PMFBP1: variants seen among roughly 807,000 people sequenced by gnomAD.
The protein encoded by PMFBP1 is polyamine-modulated factor 1-binding protein 1.
PMFBP1 carries 131 observed loss-of-function variants against 137.8 expected under a neutral mutation model. That is an observed-to-expected ratio of 0.95 (90% CI 0.82 to 1.10). The LOEUF is 1.10. Among genes scored for constraint, PMFBP1 ranks in the 50% least tolerant of loss-of-function variants. The pLI is 0.00. For synonymous variants in PMFBP1, 490 were observed against 450.4 expected, an observed-to-expected ratio of 1.09 and a Z score of -1.11; for missense variants, 1,199 against 1,175.4, an observed-to-expected ratio of 1.02 and a Z score of -0.29.
chr16:72,183,484 T>C, the PMFBP1 span, among the ~76,000 whole-genome samples: 23 of 152,162 alleles, frequency 1.5e-4, no homozygotes, highest in African/African-American at 9.7e-5. Context: ...TCTGCCTTCA[T>C]CTTTACATGG....
the PMFBP1 span, among the ~76,000 whole-genome samples, chr16:72,246,563 C>G: frequency 1.3e-5 from 2 of 151,988 alleles, no homozygotes; most frequent in Admixed American, 1.3e-4. Context: ...CCAGTCCCCT[C>G]TCATCACTCC....
At chr16:72,178,105 C>A (rs1387988535), upstream of PMFBP1, among the ~76,000 whole-genome samples, 2 of 152,122 alleles carry the variant, frequency 1.3e-5, no homozygotes, top group Non-Finnish European at 1.5e-5. Context: ...GTTGCCAAGG[C>A]TAGTCTCAAA....
At chr16:72,223,664 C>T in the PMFBP1 span, among the ~76,000 whole-genome samples, 1 of 152,168 alleles carries the variant, frequency 6.6e-6, no homozygotes, top group African/African-American at 2.4e-5. Context: ...GGCCAACAAG[C>T]TAGAGCTGCT....
intron 5 of PMFBP1, 57 bp downstream of exon 5, chr16:72,150,551 G>T (rs1296640426): frequency 1.9e-6 from 3 of 1,547,736 alleles, no homozygotes; most frequent in Non-Finnish European, 2.7e-6. Flanking sequence ...CTGTCTGAGG[G>T]GACCACCTGG....
Position 72,140,185 on chromosome 16 carries a change from T to A in PMFBP1, c.807+227A>T, listed in dbSNP as rs142636080. ...AACCATTTCCCCACTGATGGGCAGT[T>A]AGGTTGTTGTGTGAGAGATTTTAAG... On this transcript the variant is annotated intron_variant, in intron 6 of 20. Coordinates refer to ENST00000237353, the MANE Select transcript of PMFBP1 (RefSeq NM_031293.3). 6.4e-4 allele frequency among the ~76,000 whole-genome samples: 98 copies of A among 152,306 alleles called. 2 individuals carry two copies. The highest frequency in any genetic ancestry group is 2.3e-3 in the African/African-American group (94 of 41,572).
intron 7 of PMFBP1, among the ~76,000 whole-genome samples, chr16:72,138,912 C>CAAAA (rs35349842): frequency 9.2e-4 from 111 of 120,148 alleles, no homozygotes; most frequent in African/African-American, 2.7e-3. Flanking sequence ...ACAGAGTTCT[C>CAAAA]AAAAAAAAAA....
At chr16:72,198,415 A>C in the PMFBP1 span, among the ~76,000 whole-genome samples, 1 of 152,144 alleles carries the variant, frequency 6.6e-6, no homozygotes, top group African/African-American at 2.4e-5. Context: ...ACCAATATTC[A>C]GAAGGGCTAC....
chr16:72,123,106 C>T (rs886948086), intron 18 of PMFBP1, 118 bp from the exon 19 acceptor site: 5 of 845,106 alleles, frequency 5.9e-6, no homozygotes, highest in African/African-American at 1.7e-5. Context: ...TCCCACGTCC[C>T]CCACGCATCA....
At chr16:72,122,327 C>T (rs2042388287) in intron 19 of PMFBP1, among the ~76,000 whole-genome samples, 1 of 152,182 alleles carries the variant, frequency 6.6e-6, no homozygotes, top group African/African-American at 2.4e-5. Flanking sequence ...TGTCCTAAGG[C>T]TTGTTGTTAC....
chr16:72,249,703 T>A, the PMFBP1 span, among the ~76,000 whole-genome samples: 2 of 150,586 alleles, frequency 1.3e-5, no homozygotes, highest in African/African-American at 4.9e-5. Context: ...AATTACGAGG[T>A]CAGGAGATTG....
At chr16:72,238,335 T>C in the PMFBP1 span, among the ~76,000 whole-genome samples, 11 of 152,240 alleles carry the variant, frequency 7.2e-5, no homozygotes, top group South Asian at 2.3e-3. Flanking sequence ...TTTTTAATAA[T>C]AGGCATTCTG....
intron 10 of PMFBP1, 74 bp downstream of exon 10, chr16:72,132,674 G>T: frequency 6.3e-7 from 1 of 1,591,600 alleles, no homozygotes; most frequent in Non-Finnish European, 8.5e-7. Context: ...CACTGGGAGA[G>T]AGAAGGTGGC....
chr16:72,136,819 T>A lies in PMFBP1; in HGVS notation c.919A>T (p.Ile307Leu). The change falls in exon 8 of 21, where the codon ATA becomes TTA. Residue 307 changes from isoleucine to leucine, a missense_variant and splice_region_variant. Physicochemically the swap from Ile to Leu is conservative, Grantham distance 5. Coordinates refer to ENST00000237353, the MANE Select transcript of PMFBP1 (RefSeq NM_031293.3). The part of the protein sequence containing the change: ...SSEECEDIKK[I>L]LKHLQEQKDS... Reference sequence around the variant, plus strand: ...TTCTGCTCCTGCAAGTGCTTCAGTATCTGGCAGATGGAAGAACAGGGCAGG... The same window carrying A: ...TTCTGCTCCTGCAAGTGCTTCAGTAACTGGCAGATGGAAGAACAGGGCAGG... 1.2e-6 allele frequency: 2 copies of A among 1,614,082 alleles called. No individual in the cohort carries two copies. Among genetic ancestry groups the A allele is most frequent in the Non-Finnish European group, 1.7e-6 (2 of 1,180,030 alleles).
upstream of PMFBP1, among the ~76,000 whole-genome samples, chr16:72,174,977 GT>G (rs2043252500): frequency 1.3e-5 from 2 of 152,148 alleles, no homozygotes; most frequent in South Asian, 4.2e-4. Flanking sequence ...GCTCCTCCCT[GT>G]TCCCCATCAA....
the PMFBP1 span, among the ~76,000 whole-genome samples, chr16:72,192,254 G>C: frequency 6.6e-6 from 1 of 152,190 alleles, no homozygotes; most frequent in Non-Finnish European, 1.5e-5. Context: ...GAGAGAGACA[G>C]AATTCCCTAA....
intron 2 of PMFBP1, among the ~76,000 whole-genome samples, chr16:72,168,326 T>C (rs2043175026): frequency 6.6e-6 from 1 of 152,030 alleles, no homozygotes; most frequent in Non-Finnish European, 1.5e-5. Flanking sequence ...TTATAGGGAG[T>C]TATTAGAAAA....
chr16:72,169,625 A>G (rs2144525411), intron 2 of PMFBP1, among the ~76,000 whole-genome samples: 1 of 152,292 alleles, frequency 6.6e-6, no homozygotes, highest in South Asian at 2.1e-4. Context: ...AAAGTATAAT[A>G]AAAAAGATTT....
At chr16:72,179,447 C>A (rs1398986658), upstream of PMFBP1, among the ~76,000 whole-genome samples, 2 of 152,166 alleles carry the variant, frequency 1.3e-5, no homozygotes, top group African/African-American at 4.8e-5. Flanking sequence ...ATCCGCAATG[C>A]AGATTCTTGA....
chr16:72,242,829 A>G, the PMFBP1 span, among the ~76,000 whole-genome samples: 8 of 152,234 alleles, frequency 5.3e-5, no homozygotes, highest in Non-Finnish European at 8.8e-5. Flanking sequence ...AATCTTTGAA[A>G]AGAGAGAGCA....
Sources: gnomAD v4.1 joint callset for allele counts (sites outside exome capture counted in the v4.1 genomes callset) on GRCh38, gnomAD v4.1.1 for gene constraint, MANE v1.5 for transcripts, NCBI Gene and HGNC (gene_info 2026-07-23, HGNC 2026-07-21) for gene names.